ADCY3: variants seen among roughly 807,000 people sequenced by gnomAD.
ADCY3 encodes the protein adenylate cyclase type 3.
ADCY3 carries 70 observed loss-of-function variants against 119.4 expected under a neutral mutation model. The observed-to-expected ratio is 0.59, with a 90% confidence interval of 0.48 to 0.72. The LOEUF is 0.72. Ranked by LOEUF, ADCY3 falls within the 30% of genes least tolerant of loss-of-function variation. The pLI is 0.00. For missense variants in ADCY3, 1,238 were observed against 1,541.6 expected (o/e 0.80, Z 3.30); for synonymous variants, 672 against 621.4 (o/e 1.08, Z -1.21).
chr2:24,889,489 T>A (rs13394377), intron 2 of ADCY3, among the ~76,000 whole-genome samples: 3,836 of 152,286 alleles, frequency 0.025, 153 homozygotes, highest in African/African-American at 0.082. Context: ...TCAGTACATA[T>A]GCATGTTCCA....
chr2:24,845,708 GA>G (rs1671576704), intron 3 of ADCY3, among the ~76,000 whole-genome samples: 1 of 152,244 alleles, frequency 6.6e-6, no homozygotes, highest in Admixed American at 6.5e-5. Context: ...AAGTAATGAA[GA>G]GCTGAAAGTT....
chr2:24,835,166 C>A (rs111899939), intron 9 of ADCY3, among the ~76,000 whole-genome samples: 3 of 152,328 alleles, frequency 2.0e-5, no homozygotes, highest in African/African-American at 4.8e-5. Flanking sequence ...CCGGGCCCCC[C>A]ACCCAGAGCT....
intron 3 of ADCY3, among the ~76,000 whole-genome samples, chr2:24,843,617 G>A (rs1377211040): frequency 1.3e-5 from 2 of 152,234 alleles, no homozygotes; most frequent in African/African-American, 4.8e-5. Context: ...TATTTACTAT[G>A]TGGCTCTTGT....
chr2:24,844,223 G>A (rs1375442394), intron 3 of ADCY3, among the ~76,000 whole-genome samples: 2 of 152,148 alleles, frequency 1.3e-5, no homozygotes, highest in Non-Finnish European at 2.9e-5. Flanking sequence ...GTCGCCATGG[G>A]GTCGGCTGCT....
At chr2:24,821,884 CA>C (rs1553331457) in intron 19 of ADCY3, 1 of 493,604 alleles carries the variant, frequency 2.0e-6, no homozygotes, top group Non-Finnish European at 3.5e-6. Context: ...TGAGTCTGAC[CA>C]CGAGGCGGAC....
chr2:24,829,554 G>A (rs1227712836), intron 13 of ADCY3, among the ~76,000 whole-genome samples: 4 of 151,064 alleles, frequency 2.6e-5, no homozygotes, highest in Non-Finnish European at 4.4e-5. Context: ...CTGAGTAGCT[G>A]GGACTACAGG....
rs183199132 is a variant in ADCY3, at chr2:24,898,262, C to T, written c.675+20051G>A. 5.6e-4 allele frequency among the ~76,000 whole-genome samples: 85 copies of T among 152,230 alleles called. No homozygotes were observed. The highest frequency in any genetic ancestry group is 1.9e-3 in the African/African-American group (79 of 41,534). On this transcript the variant is annotated intron_variant, in intron 2 of 21. Transcript: ENST00000679454. This position sits in a 1 kb window ranked among gnomAD's most constrained non-coding sequence, Gnocchi z 4.3. ...GGCTTTTCTCTCCACTCTCCCAGTT[C>T]GTGCGCCACAGAGGCCCCCGGGGAG... is the stretch of plus-strand genomic sequence containing the variant.
chr2:24,820,433 G>A, intron 21 of ADCY3: 1 of 1,322,486 alleles, frequency 7.6e-7, no homozygotes, highest in Non-Finnish European at 9.6e-7. Context: ...CTTTCGTGGA[G>A]CTTTTCTGCC....
chr2:24,877,354 T>A (rs917011341), intron 2 of ADCY3, among the ~76,000 whole-genome samples: 3 of 152,124 alleles, frequency 2.0e-5, no homozygotes, highest in Admixed American at 1.3e-4. Flanking sequence ...AACATGACCT[T>A]CTGGCCCTAG....
intron 2 of ADCY3, among the ~76,000 whole-genome samples, chr2:24,886,903 T>C (rs1396174573): frequency 6.6e-6 from 1 of 152,234 alleles, no homozygotes; most frequent in Non-Finnish European, 1.5e-5. Flanking sequence ...ATGCTGGGCC[T>C]GGCTGGCACA....
chr2:24,912,140 A>T (rs987332561), intron 2 of ADCY3, among the ~76,000 whole-genome samples: 1 of 152,164 alleles, frequency 6.6e-6, no homozygotes, highest in Non-Finnish European at 1.5e-5. Flanking sequence ...GTGATAGCAC[A>T]TACCCGTGGA....
chr2:24,875,093 T>G (rs1386616302), intron 2 of ADCY3, among the ~76,000 whole-genome samples: 6 of 152,164 alleles, frequency 3.9e-5, no homozygotes, highest in Non-Finnish European at 8.8e-5. Flanking sequence ...GCCTGTCCCA[T>G]CTGTCCCTAT....
chr2:24,844,075 G>A (rs1163591860), intron 3 of ADCY3, among the ~76,000 whole-genome samples: 1 of 152,236 alleles, frequency 6.6e-6, no homozygotes, highest in Non-Finnish European at 1.5e-5. Flanking sequence ...AAGAAAGTGT[G>A]TCCAGCAAGG....
rs956404849 is a variant in ADCY3 at position 24,898,748 on chromosome 2, G to C, written c.675+19565C>G. On this transcript the variant is annotated intron_variant, in intron 2 of 21. Transcript: ENST00000679454. The surrounding 1 kb of genome is among the most constrained non-coding windows in gnomAD (Gnocchi z 4.3). ...ACAACCCTTGCCTGGGGAAGCCTGGGAGGTTCGGGGAAGCAAACAGAATTC... is the reference window on the plus strand; with the variant it reads ...ACAACCCTTGCCTGGGGAAGCCTGGCAGGTTCGGGGAAGCAAACAGAATTC... Among the ~76,000 whole-genome samples the C allele has an allele frequency of 1.3e-5, 2 of 152,174 alleles. No homozygotes were observed. Among genetic ancestry groups the C allele is most frequent in the Admixed American group, 1.3e-4 (2 of 15,276 alleles).
At chr2:24,828,544 G>A (rs1024651157) in intron 13 of ADCY3, among the ~76,000 whole-genome samples, 2 of 152,122 alleles carry the variant, frequency 1.3e-5, no homozygotes, top group Non-Finnish European at 2.9e-5. Context: ...AGGGGCCACG[G>A]GACCATGAGC....
intron 21 of ADCY3, 175 bp from the exon 22 acceptor site, chr2:24,820,289 AAGG>A (rs1667395178): frequency 1.6e-6 from 2 of 1,284,794 alleles, no homozygotes; most frequent in Non-Finnish European, 2.0e-6. Context: ...AGCGGGTGGG[AAGG>A]AGAACCCTGG....
chr2:24,863,993 A>G (rs1673990914), intron 3 of ADCY3, among the ~76,000 whole-genome samples: 1 of 152,244 alleles, frequency 6.6e-6, no homozygotes, highest in South Asian at 2.1e-4. Flanking sequence ...AATTGTTTGA[A>G]GCTCTATAGG....
At chr2:24,876,621 T>C (rs578038613) in intron 2 of ADCY3, among the ~76,000 whole-genome samples, 64 of 152,232 alleles carry the variant, frequency 4.2e-4, no homozygotes, top group African/African-American at 1.5e-3. Context: ...GGAGGGACGG[T>C]GGCGTGACAT....
chr2:24,852,520 A>C (rs1251325460), intron 3 of ADCY3, among the ~76,000 whole-genome samples: 1 of 152,076 alleles, frequency 6.6e-6, no homozygotes, highest in African/African-American at 2.4e-5. Flanking sequence ...GCTACTCCTC[A>C]CAGGCTGAGG....
Sources: allele counts gnomAD v4.1 joint callset (sites outside exome capture counted in the v4.1 genomes callset), GRCh38; gene constraint gnomAD v4.1.1; non-coding constraint Gnocchi (gnomAD v3.1); transcripts MANE v1.5; gene names NCBI Gene and HGNC (gene_info 2026-07-23, HGNC 2026-07-21).